Variants in RASA2 observed in about 807,000 individuals in gnomAD.
The protein encoded by RASA2 is ras GTPase-activating protein 2.
A neutral mutation model predicts 118.2 loss-of-function variants in RASA2; 155 were observed. That is an observed-to-expected ratio of 1.31 (90% CI 1.15 to 1.50). The LOEUF (loss-of-function observed/expected upper bound fraction) is 1.50, where lower values mean the gene tolerates loss of function less well. Among genes scored for constraint, RASA2 ranks in the 40% most tolerant of loss-of-function variants. The pLI is 0.00. For synonymous variants in RASA2, 353 were observed against 349.1 expected (o/e 1.01, Z -0.12); for missense variants, 1,016 against 1,009.6 (o/e 1.01, Z -0.09).
At chr3:141,608,409 A>C in intron 20 of RASA2, 80 bp from the exon 21 acceptor site, 1 of 1,333,216 alleles carries the variant, frequency 7.5e-7, no homozygotes, top group Non-Finnish European at 1.1e-6. Flanking sequence ...AGATTCCTTT[A>C]GGTACTTTTC....
intron 4 of RASA2, among the ~76,000 whole-genome samples, chr3:141,538,100 A>AACACAC (rs60054807): frequency 0.027 from 3,702 of 136,636 alleles, 123 homozygotes; most frequent in East Asian, 0.12. Flanking sequence ...CAAAAAACAA[A>AACACAC]ACACACACAC....
At chr3:141,514,255 A>T (rs1461285274) in intron 2 of RASA2, among the ~76,000 whole-genome samples, 2 of 152,242 alleles carry the variant, frequency 1.3e-5, no homozygotes, top group African/African-American at 4.8e-5. Context: ...AGAATACTTA[A>T]ACAGATATTT....
intron 11 of RASA2, 145 bp from the exon 12 acceptor site, chr3:141,572,464 A>G: frequency 1.8e-6 from 1 of 566,806 alleles, no homozygotes; most frequent in Non-Finnish European, 3.1e-6. Context: ...GGTAAAAATT[A>G]CTAAAATTGT....
rs2082234321 is a variant in RASA2, at chr3:141,529,769, A to G, written c.417A>G (p.Ser139=). 1 of 1,611,858 alleles carries G rather than the reference A, an allele frequency of 6.2e-7. No homozygotes were observed. The highest frequency in any genetic ancestry group is 1.7e-5 in the Admixed American group (1 of 59,948). Residue 139 remains serine (S), a synonymous_variant, in exon 4 of 24, where the codon TCA becomes TCG. Transcript: ENST00000286364. ...CNHSGKETWF[S]LQPVDSNSEV... ...ACAGTGGCAAAGAAACTTGGTTTTC[A>G]TTACAGCCTGTTGACTCCAATTCAG...
rs780425812 is a variant in RASA2, at chr3:141,559,877, C to T, written c.762-17C>T. On this transcript the variant is annotated splice_polypyrimidine_tract_variant and intron_variant, in intron 8 of 23. Coordinates refer to ENST00000286364, the MANE Select transcript of RASA2 (RefSeq NM_006506.5). ...AAACATTGTTTGCAAAACATAAAGC[C>T]AGTTTTCAATTTTCAGGATCGACTT... The T allele has an allele frequency of 3.2e-5, 51 of 1,604,892 alleles. No individual in the cohort carries two copies. In the South Asian group the frequency reaches 5.2e-4, roughly 16 times the overall value.
At chr3:141,526,934 AAGAG>A (rs2082193610) in intron 3 of RASA2, among the ~76,000 whole-genome samples, 1 of 152,190 alleles carries the variant, frequency 6.6e-6, no homozygotes, top group Non-Finnish European at 1.5e-5. Context: ...CTGTGTGACT[AAGAG>A]AGGATTCTCT....
In RASA2 at chr3:141,603,550, G is replaced by A. The variant is rs181299279; in HGVS notation, c.1934-4128G>A. On this transcript the variant is annotated intron_variant, in intron 19 of 23. Transcript: ENST00000286364. The stretch of plus-strand genomic sequence containing the variant: ...CATGCCATTGTACTCCAGCCTGGGT[G>A]ATGAGAGCAAAACTCTGTCTCAAAA... Among the ~76,000 whole-genome samples, 358 of 152,106 alleles carry A rather than the reference G, an allele frequency of 2.4e-3. 3 individuals are homozygous for A. The highest frequency in any genetic ancestry group is 8.1e-3 in the African/African-American group (335 of 41,480).
rs764112411 is a variant in RASA2 at position 141,573,966 on chromosome 3, A to G, written c.1382A>G (p.Asp461Gly). 1.3e-6 allele frequency: 2 copies of G among 1,588,524 alleles called. No homozygotes were observed. The highest frequency in any genetic ancestry group is 2.3e-5 in the East Asian group (1 of 43,556). ...NNKENLRYYVDKLFNTIVKSS... is the reference protein window; with the variant it reads ...NNKENLRYYVGKLFNTIVKSS... ...CAGGAGAATCTGCGCTACTATGTAG[A>G]CAAGTTATTCAATACAATTGTAAAA... Residue 461 changes from aspartate (D) to glycine (G), a missense_variant, in exon 14 of 24, where the codon GAC becomes GGC. Asp to Gly is a moderately conservative substitution (Grantham distance 94, BLOSUM62 -1). Transcript: ENST00000286364.
chr3:141,611,103 G>A (rs1055352446), intron 23 of RASA2, among the ~76,000 whole-genome samples: 2 of 152,168 alleles, frequency 1.3e-5, no homozygotes, highest in Non-Finnish European at 2.9e-5. Flanking sequence ...TTAGAAGCAA[G>A]TTAATGAAGT....
At chr3:141,584,427 A>G (rs1329647529) in intron 17 of RASA2, among the ~76,000 whole-genome samples, 1 of 152,036 alleles carries the variant, frequency 6.6e-6, no homozygotes, top group East Asian at 1.9e-4. Context: ...AATACTAAAA[A>G]GCCCTTGACC....
intron 22 of RASA2, 121 bp from the exon 23 acceptor site, chr3:141,609,756 T>C (rs1362985989): frequency 2.1e-6 from 2 of 952,198 alleles, no homozygotes; most frequent in Non-Finnish European, 3.0e-6. Context: ...TTTAGTTATC[T>C]CGGCTCTGCC....
intron 19 of RASA2, among the ~76,000 whole-genome samples, chr3:141,604,725 A>G (rs1384973202): frequency 7.0e-6 from 1 of 141,906 alleles, no homozygotes; most frequent in East Asian, 2.1e-4. Flanking sequence ...AAGTTTTCTG[A>G]GTCCTTACAT....
chr3:141,606,026 G>A (rs139003236), intron 19 of RASA2, among the ~76,000 whole-genome samples: 82 of 152,212 alleles, frequency 5.4e-4, no homozygotes, highest in Admixed American at 2.0e-3. Flanking sequence ...CTGCTGCTTA[G>A]CACAAACCTG....
At chr3:141,503,188 C>G (rs2081810222) in intron 1 of RASA2, among the ~76,000 whole-genome samples, 1 of 152,116 alleles carries the variant, frequency 6.6e-6, no homozygotes, top group Non-Finnish European at 1.5e-5. Context: ...AGTGTCCTCC[C>G]CTAGGACATG....
intron 3 of RASA2, among the ~76,000 whole-genome samples, chr3:141,523,253 G>A (rs990026473): frequency 6.6e-6 from 1 of 151,854 alleles, no homozygotes; most frequent in Non-Finnish European, 1.5e-5. Context: ...AGCCTCCTGA[G>A]TAGCTGGGAT....
At position 141,552,721 on chromosome 3, in the gene RASA2, C is replaced by T. The variant is rs144757065; in HGVS notation, c.528-1136C>T. Among the ~76,000 whole-genome samples, 219 of 152,182 alleles carry T rather than the reference C, an allele frequency of 1.4e-3. 7 individuals carry two copies. In the East Asian group the frequency reaches 0.024, roughly 17 times the overall value. Reference sequence around the variant, plus strand: ...ATTTCTTTCTTTATTTTTTTATGCTCAGCTATAATAGAAATGAGTCGTATT... The same window carrying T: ...ATTTCTTTCTTTATTTTTTTATGCTTAGCTATAATAGAAATGAGTCGTATT... On this transcript the variant is annotated intron_variant, in intron 5 of 23. Coordinates refer to ENST00000286364, the MANE Select transcript of RASA2 (RefSeq NM_006506.5).
At chr3:141,524,681 C>G (rs961309649) in intron 3 of RASA2, among the ~76,000 whole-genome samples, 1 of 152,020 alleles carries the variant, frequency 6.6e-6, no homozygotes, top group Admixed American at 6.6e-5. Flanking sequence ...ACCTCTGCCT[C>G]CTGGGTTCAA....
At position 141,595,148 on chromosome 3, in the gene RASA2, C is replaced by CT. The variant is rs1202416779; in HGVS notation, c.1933+8397dup. 5.7e-4 allele frequency among the ~76,000 whole-genome samples: 87 copies of CT among 152,022 alleles called. 2 individuals are homozygous for CT. On this transcript the variant is annotated intron_variant, in intron 19 of 23. Transcript: ENST00000286364. ...CATAACTAATCCATCCCCTCTCCTC[C>CT]TCCCAAACAATAAATAAATTAAAAT...
At position 141,549,478 on chromosome 3, in the gene RASA2, T is replaced by TGTGTGC. The variant is rs1160294073; in HGVS notation, c.528-4373_528-4368dup. Among the ~76,000 whole-genome samples the TGTGTGC allele has an allele frequency of 7.5e-5, 10 of 133,808 alleles. No homozygotes were observed. The East Asian group carries it at 8.7e-4, about 12-fold the overall frequency. 87.8% of individuals were successfully genotyped at this position (133,808 alleles called of 152,430 possible). On this transcript the variant is annotated intron_variant, in intron 5 of 23. Coordinates refer to ENST00000286364, the MANE Select transcript of RASA2 (RefSeq NM_006506.5). ...AGTGGTAGGAGTGTGTATGAGTGTG[T>TGTGTGC]GTGTGCGTGTGTGTGTGTGTGTGTG...
Sources: allele counts gnomAD v4.1 joint callset (sites outside exome capture counted in the v4.1 genomes callset), GRCh38; gene constraint gnomAD v4.1.1; transcripts MANE v1.5; gene names NCBI Gene and HGNC (gene_info 2026-07-23, HGNC 2026-07-21).